IL26: variants seen among roughly 807,000 people sequenced by gnomAD.
IL26 encodes interleukin-26.
In IL26, 23 loss-of-function variants were observed where a neutral mutation model predicts 21.7. The ratio of observed to expected loss-of-function variants is 1.06; its 90% CI spans 0.76 to 1.50. The LOEUF is 1.50. Ranked by LOEUF, IL26 falls within the 40% of genes most tolerant of loss-of-function variation. The pLI is 0.00. For missense variants in IL26, 204 were observed against 196.0 expected, an observed-to-expected ratio of 1.04 and a Z score of -0.24; for synonymous variants, 63 against 67.8, an observed-to-expected ratio of 0.93 and a Z score of 0.34.
In IL26 at chr12:68,201,939, T is replaced by G. The variant is rs10748100; in HGVS notation, c.430-8A>C. 1.3e-6 allele frequency: 2 copies of G among 1,588,236 alleles called. No individual in the cohort carries two copies. Among genetic ancestry groups the G allele is most frequent in the Non-Finnish European group, 1.7e-6 (2 of 1,166,902 alleles). ...GATTCCTTTGTTTCCAATCTGCAGA[T>G]AAAGTACAGATATAAGAGAATAAAT... On this transcript the variant is annotated splice_polypyrimidine_tract_variant and splice_region_variant and intron_variant, in intron 4 of 4. Coordinates refer to ENST00000229134, the MANE Select transcript of IL26 (RefSeq NM_018402.2).
chr12:68,214,516 T>C (rs1377694203), intron 3 of IL26, among the ~76,000 whole-genome samples: 2 of 152,196 alleles, frequency 1.3e-5, no homozygotes, highest in African/African-American at 4.8e-5. Flanking sequence ...TGGGTGCTCT[T>C]ATGTTGCATG....
chr12:68,218,463 CAGAT>C (rs1192830431), intron 3 of IL26, among the ~76,000 whole-genome samples: 10 of 151,920 alleles, frequency 6.6e-5, no homozygotes, highest in African/African-American at 1.4e-4. Flanking sequence ...ATGGGACTAA[CAGAT>C]AGGCACTACA....
intron 3 of IL26, among the ~76,000 whole-genome samples, chr12:68,219,758 G>GA (rs1868995469): frequency 6.6e-6 from 1 of 151,604 alleles, no homozygotes. Context: ...AAGTAATAAA[G>GA]AAAAATCAAT....
At position 68,225,450 on chromosome 12, in the gene IL26, C is replaced by T; in HGVS notation, c.222G>A (p.Gln74=). Residue 74 remains glutamine, a synonymous_variant, in exon 2 of 5, where the codon CAG becomes CAA. Coordinates refer to ENST00000229134, the MANE Select transcript of IL26 (RefSeq NM_018402.2). The part of the protein sequence containing the change: ...IRLLKKKTKK[Q]FMKNCQFQEQ... ...AGAAGACTTTCTGACTTACCATAAACTGCTTTTTTGTTTTCTTTTTTAATA... is the reference window on the plus strand; with the variant it reads ...AGAAGACTTTCTGACTTACCATAAATTGCTTTTTTGTTTTCTTTTTTAATA... 6.3e-7 allele frequency: 1 copy of T among 1,577,500 alleles called. No individual in the cohort carries two copies. Among genetic ancestry groups the T allele is most frequent in the Non-Finnish European group, 8.7e-7 (1 of 1,148,524 alleles).
intron 3 of IL26, among the ~76,000 whole-genome samples, chr12:68,210,074 C>T (rs944272512): frequency 6.6e-6 from 1 of 151,692 alleles, no homozygotes; most frequent in Non-Finnish European, 1.5e-5. Context: ...TGACCACAGC[C>T]TTGGTTTCTT....
At chr12:68,202,622 A>C (rs1166971145) in intron 3 of IL26, among the ~76,000 whole-genome samples, 1 of 152,170 alleles carries the variant, frequency 6.6e-6, no homozygotes, top group South Asian at 2.1e-4. Context: ...ATCAGATTTC[A>C]TGAGAATTCA....
intron 3 of IL26, among the ~76,000 whole-genome samples, chr12:68,207,871 G>C (rs1193729642): frequency 6.8e-6 from 1 of 147,898 alleles, no homozygotes; most frequent in South Asian, 2.2e-4. Context: ...AAATAGACTA[G>C]TACATACATA....
chr12:68,224,145 C>G (rs1869155471), intron 3 of IL26, among the ~76,000 whole-genome samples: 1 of 151,906 alleles, frequency 6.6e-6, no homozygotes, highest in Non-Finnish European at 1.5e-5. Flanking sequence ...AGGCTCCCAA[C>G]CCAACCTTTG....
chr12:68,208,720 C>T (rs755732119), intron 3 of IL26, among the ~76,000 whole-genome samples: 10 of 152,118 alleles, frequency 6.6e-5, no homozygotes, highest in African/African-American at 1.9e-4. Context: ...AGGCTGATCT[C>T]GAACTCCTGA....
chr12:68,212,598 G>A (rs563454352), intron 3 of IL26, among the ~76,000 whole-genome samples: 2 of 152,030 alleles, frequency 1.3e-5, no homozygotes, highest in South Asian at 2.1e-4. Flanking sequence ...ATGTTTTATA[G>A]TTTTTCTTAT....
chr12:68,201,698 A>T lies in IL26; in HGVS notation c.*147T>A, dbSNP rs1868393599. On this transcript the variant is annotated 3_prime_UTR_variant, in exon 5 of 5. Transcript: ENST00000229134. Reference sequence around the variant, plus strand: ...TTATATCCAAAACGTTAATTTACTAAATCCTTCTTGTCTATTCTGAATCAC... The same window carrying T: ...TTATATCCAAAACGTTAATTTACTATATCCTTCTTGTCTATTCTGAATCAC... The T allele has an allele frequency of 2.0e-6, 1 of 497,170 alleles. No individual in the cohort carries two copies. Among genetic ancestry groups the T allele is most frequent in the African/African-American group, 2.0e-5 (1 of 50,426 alleles). 30.8% of individuals were successfully genotyped at this position (497,170 alleles called of 1,614,324 possible).
chr12:68,210,871 T>C (rs1868708986), intron 3 of IL26, among the ~76,000 whole-genome samples: 1 of 152,214 alleles, frequency 6.6e-6, no homozygotes, highest in Non-Finnish European at 1.5e-5. Context: ...TTGTCATTCA[T>C]CAGAATTAGT....
At chr12:68,208,974 G>A (rs1868626562) in intron 3 of IL26, among the ~76,000 whole-genome samples, 1 of 152,284 alleles carries the variant, frequency 6.6e-6, no homozygotes, top group South Asian at 2.1e-4. Flanking sequence ...AAGCCTACTT[G>A]TTTCTTAAAA....
At chr12:68,219,294 A>G (rs950397924) in intron 3 of IL26, among the ~76,000 whole-genome samples, 1 of 152,044 alleles carries the variant, frequency 6.6e-6, no homozygotes, top group Non-Finnish European at 1.5e-5. Context: ...TGAAACATGG[A>G]TCAGCAAATA....
intron 3 of IL26, among the ~76,000 whole-genome samples, chr12:68,202,559 C>T (rs942095540): frequency 1.3e-5 from 2 of 152,298 alleles, no homozygotes; most frequent in African/African-American, 4.8e-5. Context: ...CAAGGCACAT[C>T]TTACCTGGTG....
rs751294338 is a variant in IL26 at position 68,225,790 on chromosome 12, A to T, written c.-34T>A. ...ACCCCACTCAGCGTGTGTCACTCAC[A>T]GCAGCCCAAGAGATACTAATGCCGG... On this transcript the variant is annotated 5_prime_UTR_variant, in exon 1 of 5. Coordinates refer to ENST00000229134, the MANE Select transcript of IL26 (RefSeq NM_018402.2). The T allele has an allele frequency of 5.0e-6, 8 of 1,608,520 alleles. No homozygotes were observed. The highest frequency in any genetic ancestry group is 1.3e-5 in the African/African-American group (1 of 75,008).
At chr12:68,212,543 G>A (rs1445635241) in intron 3 of IL26, among the ~76,000 whole-genome samples, 2 of 152,118 alleles carry the variant, frequency 1.3e-5, no homozygotes, top group South Asian at 2.1e-4. Context: ...CATGTTTTGT[G>A]TGTGTGTCCT....
intron 3 of IL26, among the ~76,000 whole-genome samples, chr12:68,214,139 A>T (rs1868809214): frequency 6.6e-6 from 1 of 152,148 alleles, no homozygotes; most frequent in African/African-American, 2.4e-5. Context: ...CATATTATTT[A>T]ATTTCCATGA....
At chr12:68,204,320 T>G (rs920379054) in intron 3 of IL26, among the ~76,000 whole-genome samples, 4 of 152,076 alleles carry the variant, frequency 2.6e-5, no homozygotes, top group African/African-American at 9.6e-5. Context: ...ATTTTTTGTA[T>G]TTTTAGTAGA....
Sources: allele counts gnomAD v4.1 joint callset (sites outside exome capture counted in the v4.1 genomes callset), GRCh38; gene constraint gnomAD v4.1.1; transcripts MANE v1.5; gene names NCBI Gene and HGNC (gene_info 2026-07-23, HGNC 2026-07-21).